Variants in XRCC4 observed in about 807,000 individuals in gnomAD.
The protein encoded by XRCC4 is X-ray repair cross complementing 4.
A neutral mutation model predicts 39.1 loss-of-function variants in XRCC4; 28 were observed. The ratio of observed to expected loss-of-function variants is 0.72; its 90% CI spans 0.53 to 0.98. XRCC4 has a LOEUF of 0.98. Among genes scored for constraint, XRCC4 ranks in the 50% least tolerant of loss-of-function variants. XRCC4 has a pLI of 0.00. For synonymous variants in XRCC4, 123 were observed against 126.4 expected, an observed-to-expected ratio of 0.97 and a Z score of 0.18; for missense variants, 350 against 376.4, an observed-to-expected ratio of 0.93 and a Z score of 0.58.
At chr5:83,293,812 T>A (rs1157034202) in intron 7 of XRCC4, among the ~76,000 whole-genome samples, 3 of 151,978 alleles carry the variant, frequency 2.0e-5, no homozygotes, top group Non-Finnish European at 4.4e-5. Context: ...TTATGTCAGA[T>A]CCTATAAGAA....
intron 3 of XRCC4, among the ~76,000 whole-genome samples, chr5:83,114,167 CTG>C (rs777069944): frequency 3.3e-4 from 50 of 151,388 alleles, no homozygotes; most frequent in Non-Finnish European, 6.2e-4. Flanking sequence ...GCCCAGGAAA[CTG>C]TTTTTACCGC....
intron 7 of XRCC4, among the ~76,000 whole-genome samples, chr5:83,284,755 A>C (rs762391185): frequency 5.9e-5 from 9 of 152,132 alleles, no homozygotes; most frequent in Non-Finnish European, 1.3e-4. Flanking sequence ...CACATTTAGG[A>C]GTAACTATGC....
chr5:83,366,493 C>G, the XRCC4 span, among the ~76,000 whole-genome samples: 1 of 152,202 alleles, frequency 6.6e-6, no homozygotes, highest in African/African-American at 2.4e-5. Flanking sequence ...CAACTAGTCA[C>G]CCTACAACTC....
rs1322955920 is a variant in XRCC4, at chr5:83,143,758, C to T, written c.315+32555C>T. ...ATTTCAATGTGTTGTTTTGTTTTCT[C>T]GTCTCCATTTTTTTTTCTGATAAGT... On this transcript the variant is annotated intron_variant, in intron 3 of 7. Transcript: ENST00000396027. Among the ~76,000 whole-genome samples, 9 of 151,760 alleles carry T rather than the reference C, an allele frequency of 5.9e-5. No homozygotes were observed. In the East Asian group the frequency reaches 1.2e-3, roughly 20 times the overall value.
chr5:83,216,412 C>T (rs1299285069), intron 6 of XRCC4, among the ~76,000 whole-genome samples: 1 of 152,080 alleles, frequency 6.6e-6, no homozygotes, highest in Non-Finnish European at 1.5e-5. Flanking sequence ...GGCAGTTCCT[C>T]AAAAAGTAAA....
intron 3 of XRCC4, among the ~76,000 whole-genome samples, chr5:83,186,920 G>A (rs1261028901): frequency 1.3e-5 from 2 of 151,432 alleles, no homozygotes; most frequent in African/African-American, 4.9e-5. Flanking sequence ...ATACATTTTT[G>A]GCTCATGGCC....
chr5:83,225,602 C>T (rs1385376272), intron 6 of XRCC4, among the ~76,000 whole-genome samples: 4 of 126,446 alleles, frequency 3.2e-5, no homozygotes, highest in African/African-American at 1.3e-4. Context: ...CAAATTTATT[C>T]CAGAAAAAAA....
chr5:83,204,872 T>C lies in XRCC4; in HGVS notation c.696T>C (p.Ser232=). ...TADRDPVYDE[S]TDEESENQTD... is the part of the protein sequence containing the mutation. ...ACCGAGATCCAGTCTATGATGAGAG[T>C]ACTGATGAGGAAAGTGAAAACCAAA... The change falls in exon 6 of 8, where the codon AGT becomes AGC. Residue 232 remains serine (S), a synonymous_variant. Transcript: ENST00000396027. 6.2e-7 allele frequency: 1 copy of C among 1,612,420 alleles called. No homozygotes were observed. Among genetic ancestry groups the C allele is most frequent in the Non-Finnish European group, 8.5e-7 (1 of 1,178,842 alleles).
At chr5:83,193,493 A>G (rs1750802433) in intron 3 of XRCC4, among the ~76,000 whole-genome samples, 1 of 152,198 alleles carries the variant, frequency 6.6e-6, no homozygotes, top group Non-Finnish European at 1.5e-5. Flanking sequence ...TAGCTGCAAA[A>G]AGATCTAAGA....
chr5:83,246,490 A>G (rs1753105945), intron 6 of XRCC4, among the ~76,000 whole-genome samples: 2 of 152,170 alleles, frequency 1.3e-5, no homozygotes, highest in African/African-American at 4.8e-5. Flanking sequence ...TTTAATTAGA[A>G]AAAGTTTGTG....
intron 3 of XRCC4, among the ~76,000 whole-genome samples, chr5:83,188,331 T>A (rs565511288): frequency 6.6e-6 from 1 of 151,902 alleles, no homozygotes; most frequent in South Asian, 2.1e-4. Context: ...GCTATGATGG[T>A]TAATTTTATA....
At chr5:83,194,012 C>T (rs889017909) in intron 3 of XRCC4, among the ~76,000 whole-genome samples, 2 of 152,154 alleles carry the variant, frequency 1.3e-5, no homozygotes, top group Admixed American at 6.5e-5. Context: ...AGGCTCACTG[C>T]AACCTGTGTC....
At chr5:83,129,251 G>C (rs1453895585) in intron 3 of XRCC4, among the ~76,000 whole-genome samples, 1 of 142,660 alleles carries the variant, frequency 7.0e-6, no homozygotes, top group African/African-American at 2.7e-5. Flanking sequence ...CCCATTGCTT[G>C]TTTTTCTCAG....
intron 1 of XRCC4, among the ~76,000 whole-genome samples, chr5:83,092,016 C>A (rs1473175629): frequency 6.6e-6 from 1 of 152,132 alleles, no homozygotes; most frequent in Non-Finnish European, 1.5e-5. Flanking sequence ...CACCTTCTTG[C>A]AAGTGTTTGT....
At chr5:83,087,391 A>G (rs1414781871) in intron 1 of XRCC4, among the ~76,000 whole-genome samples, 3 of 150,372 alleles carry the variant, frequency 2.0e-5, no homozygotes, top group African/African-American at 7.3e-5. Context: ...GGCTGAGCAC[A>G]GTGGCTCACA....
intron 7 of XRCC4, among the ~76,000 whole-genome samples, chr5:83,338,466 C>A (rs1756659058): frequency 6.6e-6 from 1 of 152,152 alleles, no homozygotes; most frequent in South Asian, 2.1e-4. Flanking sequence ...GTCCACCCTG[C>A]ATTTTGGCAA....
chr5:83,300,756 T>C (rs1580482468), intron 7 of XRCC4, among the ~76,000 whole-genome samples: 1 of 142,510 alleles, frequency 7.0e-6, no homozygotes, highest in African/African-American at 2.5e-5. Context: ...ACAGGCCCCG[T>C]TGTGTGATGT....
intron 6 of XRCC4, among the ~76,000 whole-genome samples, chr5:83,205,143 C>T (rs1161799948): frequency 6.6e-6 from 1 of 152,152 alleles, no homozygotes; most frequent in Non-Finnish European, 1.5e-5. Flanking sequence ...CATTCATACA[C>T]ATATACTCCA....
rs76576351 is a variant in XRCC4 at position 83,274,209 on chromosome 5, G to T, written c.893+15532G>T. On this transcript the variant is annotated intron_variant, in intron 7 of 7. Transcript: ENST00000396027. ...AGTACTCAACTGTCTAGGTTTGAAT[G>T]TAAACTGTCTTCCAAGTCAGGTTAA... Among the ~76,000 whole-genome samples, 783 of 152,282 alleles carry T rather than the reference G, an allele frequency of 5.1e-3. 7 individuals are homozygous for T. The highest frequency in any genetic ancestry group is 0.018 in the African/African-American group (752 of 41,566).
Sources: gnomAD v4.1 joint callset for allele counts (sites outside exome capture counted in the v4.1 genomes callset) on GRCh38, gnomAD v4.1.1 for gene constraint, MANE v1.5 for transcripts, NCBI Gene and HGNC (gene_info 2026-07-23, HGNC 2026-07-21) for gene names.